GALNT16: variants seen among roughly 807,000 people sequenced by gnomAD.
GALNT16 encodes UDP-GalNAc:polypeptide N-acetylgalactosaminyltransferase-like protein 1.
In GALNT16, 40 loss-of-function variants were observed where a neutral mutation model predicts 76.1. That is an observed-to-expected ratio of 0.53 (90% CI 0.41 to 0.68). The LOEUF (loss-of-function observed/expected upper bound fraction) is 0.68. GALNT16 is among the 30% of genes least tolerant of loss of function. The pLI, the probability that GALNT16 is intolerant of heterozygous loss-of-function variation, is 0.00. For missense variants in GALNT16, 621 were observed against 731.9 expected, an observed-to-expected ratio of 0.85 and a Z score of 1.75; for synonymous variants, 276 against 285.2, an observed-to-expected ratio of 0.97 and a Z score of 0.32.
the GALNT16 span, among the ~76,000 whole-genome samples, chr14:69,373,729 CTTCT>C: frequency 4.6e-5 from 7 of 150,962 alleles, no homozygotes; most frequent in East Asian, 7.7e-4. Flanking sequence ...TTTTCTTTCT[CTTCT>C]TTTTCTTTCT....
intron 1 of GALNT16, among the ~76,000 whole-genome samples, chr14:69,268,731 T>C (rs1319711840): frequency 1.3e-5 from 2 of 152,080 alleles, no homozygotes; most frequent in East Asian, 1.9e-4. Context: ...ACTATGAAAG[T>C]AAAGCAGCAT....
chr14:69,316,776 A>G (rs200480280), intron 1 of GALNT16, among the ~76,000 whole-genome samples: 18,213 of 66,018 alleles, frequency 0.28, 1,376 homozygotes, highest in African/African-American at 0.32. Flanking sequence ...GTAGTCTGTG[A>G]GGGGGGGGGG....
At chr14:69,303,546 G>T (rs538104082) in intron 1 of GALNT16, among the ~76,000 whole-genome samples, 2 of 152,240 alleles carry the variant, frequency 1.3e-5, no homozygotes, top group Non-Finnish European at 2.9e-5. Context: ...ATTCCAAGAA[G>T]GGGAGAGGCT....
chr14:69,265,971 T>G (rs1057406178), intron 1 of GALNT16, among the ~76,000 whole-genome samples: 3 of 152,206 alleles, frequency 2.0e-5, no homozygotes, highest in Non-Finnish European at 4.4e-5. Context: ...GGCTTACCTC[T>G]CTGAATCCCC....
the GALNT16 span, among the ~76,000 whole-genome samples, chr14:69,372,410 G>T: frequency 6.6e-6 from 1 of 152,000 alleles, no homozygotes; most frequent in Admixed American, 6.5e-5. Flanking sequence ...CAGGAATGCT[G>T]GGTAGTATTC....
chr14:69,301,882 C>T (rs1454666688), intron 1 of GALNT16, among the ~76,000 whole-genome samples: 2 of 152,062 alleles, frequency 1.3e-5, no homozygotes, highest in Admixed American at 6.5e-5. Context: ...ACCAGCTACT[C>T]GGGAGGCTGA....
At position 69,318,315 on chromosome 14, in the gene GALNT16, A is replaced by AG. The variant is rs2045130958; in HGVS notation, c.178-2395dup. Among the ~76,000 whole-genome samples the AG allele has an allele frequency of 2.6e-5, 4 of 152,328 alleles. No homozygotes were observed. The South Asian group carries it at 8.3e-4, about 32-fold the overall frequency. ...TCGAGGCCTTGGGAGGAACCTCTCT[A>AG]GAGAGCCTGGGCCTGAGCAGACATT... On this transcript the variant is annotated intron_variant, in intron 1 of 14. Coordinates refer to ENST00000448469, the MANE Select transcript of GALNT16 (RefSeq NM_001168368.2).
At chr14:69,319,134 C>T (rs1043895806) in intron 1 of GALNT16, among the ~76,000 whole-genome samples, 3 of 152,222 alleles carry the variant, frequency 2.0e-5, no homozygotes, top group African/African-American at 4.8e-5. Flanking sequence ...CCAGTGGACA[C>T]GAGGACATCT....
At chr14:69,294,780 C>T (rs567538319) in intron 1 of GALNT16, among the ~76,000 whole-genome samples, 2 of 152,266 alleles carry the variant, frequency 1.3e-5, no homozygotes, top group South Asian at 2.1e-4. Context: ...AGGGGAGTCT[C>T]ATCATGTTGC....
intron 12 of GALNT16, 69 bp from the exon 13 acceptor site, chr14:69,346,971 C>T (rs1394378411): frequency 6.9e-6 from 11 of 1,588,066 alleles, no homozygotes; most frequent in East Asian, 2.2e-5. Context: ...AGGATGCTGA[C>T]GTCTGGCAGA....
intron 1 of GALNT16, among the ~76,000 whole-genome samples, chr14:69,286,785 T>G (rs545054342): frequency 1.3e-5 from 2 of 152,282 alleles, no homozygotes; most frequent in South Asian, 4.1e-4. Context: ...CAAGCAAATA[T>G]AGCAAAATGT....
intron 1 of GALNT16, among the ~76,000 whole-genome samples, chr14:69,281,207 G>A (rs2044537111): frequency 6.6e-6 from 1 of 152,194 alleles, no homozygotes; most frequent in Non-Finnish European, 1.5e-5. Flanking sequence ...AGGGCCTACT[G>A]TGTGTCACAC....
intron 1 of GALNT16, among the ~76,000 whole-genome samples, chr14:69,317,711 G>A (rs866156797): frequency 1.3e-5 from 2 of 152,160 alleles, no homozygotes; most frequent in Admixed American, 1.3e-4. Context: ...TGCTCATCTC[G>A]GCAACAGGGA....
At chr14:69,383,660 G>C in the GALNT16 span, among the ~76,000 whole-genome samples, 38 of 152,060 alleles carry the variant, frequency 2.5e-4, no homozygotes, top group African/African-American at 8.4e-4. Flanking sequence ...GATAATTTAC[G>C]GTTTTTAACA....
At chr14:69,291,294 A>C (rs922234868) in intron 1 of GALNT16, among the ~76,000 whole-genome samples, 3 of 152,128 alleles carry the variant, frequency 2.0e-5, no homozygotes, top group African/African-American at 7.2e-5. Flanking sequence ...ACCCTGTCTC[A>C]AAAAATAAAG....
intron 1 of GALNT16, among the ~76,000 whole-genome samples, chr14:69,289,530 C>T (rs1212176469): frequency 6.6e-6 from 1 of 151,986 alleles, no homozygotes; most frequent in Non-Finnish European, 1.5e-5. Flanking sequence ...CCTGTGGTTG[C>T]CCTTTGGTGG....
rs1240594592 is a variant in GALNT16 at position 69,320,229 on chromosome 14, G to A, written c.178-482G>A. Among the ~76,000 whole-genome samples the A allele has an allele frequency of 6.0e-4, 91 of 152,264 alleles. 1 individual carries two copies. The highest frequency in any genetic ancestry group is 2.1e-4 in the South Asian group (1 of 4,822). On this transcript the variant is annotated intron_variant, in intron 1 of 14. Transcript: ENST00000448469. ...CCTCTTGATGGCCGGGCGCGGTGGC[G>A]CATGCCTGTAATCCCAGCACTTTGG...
Position 69,325,392 on chromosome 14 carries a change from T to C in GALNT16, c.490T>C (p.Phe164Leu). ...LIQEIILVDD[F>L]SSDPEDCLLL... is the part of the protein sequence containing the mutation. Reference sequence around the variant, plus strand: ...CCAGGAGATCATTTTAGTGGATGACTTCAGCTCAGATCGTGAGTAGTCACC... The same window carrying C: ...CCAGGAGATCATTTTAGTGGATGACCTCAGCTCAGATCGTGAGTAGTCACC... Residue 164 changes from phenylalanine to leucine, a missense_variant, in exon 4 of 15, where the codon TTC becomes CTC. Coordinates refer to ENST00000448469, the MANE Select transcript of GALNT16 (RefSeq NM_001168368.2). 1.3e-6 allele frequency: 2 copies of C among 1,589,642 alleles called. No individual in the cohort carries two copies.
intron 1 of GALNT16, among the ~76,000 whole-genome samples, chr14:69,284,687 C>A (rs1350469376): frequency 1.3e-5 from 2 of 152,184 alleles, no homozygotes; most frequent in Non-Finnish European, 2.9e-5. Context: ...TCTGTTTCCT[C>A]AGTCACAAAA....
Sources: gnomAD v4.1 joint callset for allele counts (sites outside exome capture counted in the v4.1 genomes callset) on GRCh38, gnomAD v4.1.1 for gene constraint, MANE v1.5 for transcripts, NCBI Gene and HGNC (gene_info 2026-07-23, HGNC 2026-07-21) for gene names.